EPC2: variants seen among roughly 807,000 people sequenced by gnomAD.
The protein encoded by EPC2 is enhancer of polycomb 2.
In EPC2, 14 loss-of-function variants were observed where a neutral mutation model predicts 92.1. That is an observed-to-expected ratio of 0.15 (90% CI 0.10 to 0.24). The LOEUF (loss-of-function observed/expected upper bound fraction) is 0.24, where lower values mean the gene tolerates loss of function less well. EPC2 is among the 10% of genes least tolerant of loss of function. The probability of loss-of-function intolerance (pLI) is 1.00; values close to 1 mark genes in which losing one functional copy is unlikely to be tolerated. For missense variants in EPC2, 755 were observed against 971.5 expected (o/e 0.78, Z 2.96); for synonymous variants, 340 against 334.7 (o/e 1.02, Z -0.17).
chr2:148,741,534 T>A (rs1270842554), intron 2 of EPC2, among the ~76,000 whole-genome samples: 3 of 152,182 alleles, frequency 2.0e-5, no homozygotes, highest in African/African-American at 7.2e-5. Context: ...TATATACATC[T>A]GTTCCTATTC....
chr2:148,689,497 A>T (rs991446862), intron 1 of EPC2, among the ~76,000 whole-genome samples: 1 of 151,728 alleles, frequency 6.6e-6, no homozygotes, highest in Non-Finnish European at 1.5e-5. Context: ...TTTAACCTTT[A>T]CTCTGAATAG....
intron 1 of EPC2, among the ~76,000 whole-genome samples, chr2:148,646,113 T>C (rs769993751): frequency 4.6e-5 from 7 of 152,196 alleles, no homozygotes; most frequent in Non-Finnish European, 8.8e-5. Context: ...CGTGCGAAGT[T>C]CATAGTAACT....
chr2:148,743,654 G>T lies in EPC2; in HGVS notation c.346G>T (p.Asp116Tyr). The T allele has an allele frequency of 6.3e-7, 1 of 1,594,964 alleles. No individual in the cohort carries two copies. Among genetic ancestry groups the T allele is most frequent in the South Asian group, 1.2e-5 (1 of 86,774 alleles). Residue 116 changes from aspartate (D) to tyrosine (Y), a missense_variant, in exon 3 of 14, where the codon GAT becomes TAT. By Grantham distance (160) the Asp-to-Tyr change is radical. Around this residue, in one of 4 missense-constraint regions of EPC2, gnomAD observed 509 missense variants for 607.7 expected, o/e 0.84. Transcript: ENST00000258484. Reference protein sequence around the residue: ...FNLDNEQPDYDMDSEDETLLN... With the variant: ...FNLDNEQPDYYMDSEDETLLN... ...TCTAGACAACGAGCAACCAGATTAT[G>T]ATATGGATTCAGAAGATGAGACTTT...
intron 2 of EPC2, among the ~76,000 whole-genome samples, chr2:148,726,039 T>C (rs1177864212): frequency 6.6e-6 from 1 of 152,162 alleles, no homozygotes; most frequent in Non-Finnish European, 1.5e-5. Flanking sequence ...GGATACACCA[T>C]ATATGTGGAA....
chr2:148,707,678 CT>C (rs1274760009), intron 2 of EPC2, among the ~76,000 whole-genome samples: 1 of 152,126 alleles, frequency 6.6e-6, no homozygotes, highest in African/African-American at 2.4e-5. Flanking sequence ...CAAATTAGAA[CT>C]CAGGATTAAG....
chr2:148,712,371 AAT>A (rs1190733901), intron 2 of EPC2, among the ~76,000 whole-genome samples: 2 of 151,972 alleles, frequency 1.3e-5, no homozygotes, highest in African/African-American at 2.4e-5. Context: ...AAAAATTTCT[AAT>A]TCCTCCTTTC....
intron 2 of EPC2, among the ~76,000 whole-genome samples, chr2:148,698,868 T>C (rs1681813040): frequency 6.6e-6 from 1 of 151,122 alleles, no homozygotes; most frequent in Admixed American, 6.6e-5. Flanking sequence ...ACTCTGTGTA[T>C]GTGTGTATGT....
chr2:148,718,260 A>T (rs1682297984), intron 2 of EPC2, among the ~76,000 whole-genome samples: 1 of 152,162 alleles, frequency 6.6e-6, no homozygotes, highest in Non-Finnish European at 1.5e-5. Flanking sequence ...TAGAATTCTT[A>T]TGTGCGGATT....
At chr2:148,648,025 A>C (rs142743447) in intron 1 of EPC2, among the ~76,000 whole-genome samples, 2 of 152,340 alleles carry the variant, frequency 1.3e-5, no homozygotes, top group East Asian at 3.9e-4. Flanking sequence ...AGCCTACTTC[A>C]ATTGCCCAAT....
intron 10 of EPC2, among the ~76,000 whole-genome samples, chr2:148,773,854 A>AT (rs1683572623): frequency 6.6e-6 from 1 of 152,154 alleles, no homozygotes; most frequent in Non-Finnish European, 1.5e-5. Context: ...AAATAGAAGG[A>AT]TGAGGGAGTT....
At chr2:148,647,619 CTTTTTTTT>C (rs55731814) in intron 1 of EPC2, among the ~76,000 whole-genome samples, 25 of 63,728 alleles carry the variant, frequency 3.9e-4, no homozygotes, top group Admixed American at 6.9e-4. Flanking sequence ...GCCTTGCAGA[CTTTTTTTT>C]TTTTTTTTTT....
chr2:148,693,464 T>A (rs1681682040), intron 2 of EPC2, among the ~76,000 whole-genome samples: 1 of 152,156 alleles, frequency 6.6e-6, no homozygotes, highest in Non-Finnish European at 1.5e-5. Context: ...ATTTTTAACA[T>A]CTTTGTGTGA....
chr2:148,772,513 C>G (rs770484205), intron 10 of EPC2, among the ~76,000 whole-genome samples: 13 of 152,126 alleles, frequency 8.5e-5, no homozygotes, highest in Non-Finnish European at 1.6e-4. Flanking sequence ...CAATAATGTT[C>G]AGTCTCTTTT....
chr2:148,644,870 T>C lies in EPC2; in HGVS notation c.-148T>C. ...TGTTTTCGGGCGGGGTGGGCGCCCA[T>C]GCTGTGGCCGGGGGCAGTGAGGAGG... On this transcript the variant is annotated 5_prime_UTR_variant, in exon 1 of 14. It removes an upstream start codon present in the reference 5' UTR. Coordinates refer to ENST00000258484, the MANE Select transcript of EPC2 (RefSeq NM_015630.4). 1 of 635,052 alleles carries C rather than the reference T, an allele frequency of 1.6e-6. No individual in the cohort carries two copies. Among genetic ancestry groups the C allele is most frequent in the Non-Finnish European group, 2.6e-6 (1 of 385,460 alleles). 39.3% of individuals were successfully genotyped at this position (635,052 alleles called of 1,614,324 possible).
intron 1 of EPC2, among the ~76,000 whole-genome samples, chr2:148,660,537 A>C (rs182892347): frequency 1.9e-3 from 283 of 151,524 alleles, no homozygotes; most frequent in African/African-American, 6.6e-3. Context: ...TAATCTATTC[A>C]GTTCCATATT....
chr2:148,684,209 G>GT (rs1245150826), intron 1 of EPC2, among the ~76,000 whole-genome samples: 2 of 151,772 alleles, frequency 1.3e-5, no homozygotes. Context: ...TGATGGGATT[G>GT]TTTTTTTTCT....
intron 1 of EPC2, chr2:148,645,492 C>G (rs182589259): frequency 3.3e-5 from 10 of 301,600 alleles, no homozygotes; most frequent in Non-Finnish European, 5.0e-5. Context: ...CTCTGTTTAC[C>G]TTTCCACCTC....
At chr2:148,695,543 T>A (rs1681729636) in intron 2 of EPC2, among the ~76,000 whole-genome samples, 1 of 152,238 alleles carries the variant, frequency 6.6e-6, no homozygotes, top group African/African-American at 2.4e-5. Context: ...TTAAAATAGA[T>A]GCTGGCCTGA....
chr2:148,653,601 T>C (rs963286791), intron 1 of EPC2, among the ~76,000 whole-genome samples: 1 of 152,226 alleles, frequency 6.6e-6, no homozygotes, highest in African/African-American at 2.4e-5. Context: ...GTTTTTTGTT[T>C]TACTGTAAGC....
Sources: gnomAD v4.1 joint callset for allele counts (sites outside exome capture counted in the v4.1 genomes callset) on GRCh38, gnomAD v4.1.1 for gene constraint, gnomAD v4.1.1 regional missense constraint, MANE v1.5 for transcripts, NCBI Gene and HGNC (gene_info 2026-07-23, HGNC 2026-07-21) for gene names.